MTCL2: variants seen among roughly 807,000 people sequenced by gnomAD.
MTCL2 encodes the protein microtubule cross-linking factor 2.
chr20:36,789,863 C>T, the MTCL2 span, among the ~76,000 whole-genome samples: 1 of 152,098 alleles, frequency 6.6e-6, no homozygotes, highest in African/African-American at 2.4e-5. Context: ...CACTCTGTTG[C>T]TCAGGCTGGA....
the MTCL2 span, among the ~76,000 whole-genome samples, chr20:36,832,313 C>T: frequency 6.6e-6 from 1 of 152,224 alleles, no homozygotes; most frequent in Non-Finnish European, 1.5e-5. Context: ...AGCTCCTCTC[C>T]ACCTGCGGGG....
the MTCL2 span, among the ~76,000 whole-genome samples, chr20:36,853,620 C>T: frequency 5.1e-4 from 78 of 152,116 alleles, 1 homozygote; most frequent in Non-Finnish European, 9.0e-4. Context: ...ATAAGGTCTA[C>T]GCAGCCAGTC....
At chr20:36,855,149 C>A in the MTCL2 span, among the ~76,000 whole-genome samples, 2 of 152,244 alleles carry the variant, frequency 1.3e-5, no homozygotes, top group African/African-American at 2.4e-5. Context: ...GGGTCCTTCC[C>A]AGGAGCCAGA....
chr20:36,778,127 ACAATGTGTGCTTTCTC>A, the MTCL2 span: 1 of 321,212 alleles, frequency 3.1e-6, no homozygotes, highest in Non-Finnish European at 5.7e-6. Flanking sequence ...AGGGAAACAA[ACAATGTGTGCTTTCTC>A]CAGGCCCTTC....
At chr20:36,828,423 C>A in the MTCL2 span, among the ~76,000 whole-genome samples, 1 of 152,124 alleles carries the variant, frequency 6.6e-6, no homozygotes, top group Non-Finnish European at 1.5e-5. Context: ...TCAAGCAGGG[C>A]GCATAACACA....
At chr20:36,804,722 G>A in the MTCL2 span, 11 of 1,611,026 alleles carry the variant, frequency 6.8e-6, no homozygotes, top group Non-Finnish European at 9.3e-6. Context: ...CGTCTGACAG[G>A]TGGGGGGCTC....
chr20:36,811,469 A>G, the MTCL2 span, among the ~76,000 whole-genome samples: 2 of 151,982 alleles, frequency 1.3e-5, no homozygotes, highest in East Asian at 3.9e-4. Context: ...TCTCTACTAA[A>G]AATACGAAAA....
chr20:36,779,828 G>A, the MTCL2 span: 1 of 152,180 alleles, frequency 6.6e-6, no homozygotes, highest in African/African-American at 2.4e-5. Flanking sequence ...GGAGGACTGA[G>A]GGCTGAATAC....
At chr20:36,815,996 C>T in the MTCL2 span, 1 of 1,613,710 alleles carries the variant, frequency 6.2e-7, no homozygotes, top group Non-Finnish European at 8.5e-7. The surrounding 1 kb of genome is among the most constrained non-coding windows in gnomAD (Gnocchi z 5.3). Flanking sequence ...CTCCATGATC[C>T]TTCATGTCGT....
the MTCL2 span, chr20:36,839,250 G>T: frequency 6.2e-7 from 1 of 1,606,134 alleles, no homozygotes. The surrounding 1 kb of genome is among the most constrained non-coding windows in gnomAD (Gnocchi z 5.1). Context: ...GGATAAGCTC[G>T]CCGTCCACCT....
the MTCL2 span, among the ~76,000 whole-genome samples, chr20:36,843,326 G>A: frequency 6.6e-6 from 1 of 152,148 alleles, no homozygotes; most frequent in Non-Finnish European, 1.5e-5. Context: ...TCAGAGTCAG[G>A]GTTAGGGAGC....
At chr20:36,837,879 C>A in the MTCL2 span, among the ~76,000 whole-genome samples, 7 of 152,034 alleles carry the variant, frequency 4.6e-5, no homozygotes, top group African/African-American at 2.4e-5. Flanking sequence ...GCCCAGCCCG[C>A]ATTATTTCAT....
chr20:36,815,863 G>A, the MTCL2 span: 1 of 1,604,368 alleles, frequency 6.2e-7, no homozygotes, highest in Non-Finnish European at 8.5e-7. The surrounding 1 kb of genome is among the most constrained non-coding windows in gnomAD (Gnocchi z 5.3). Flanking sequence ...GAGGAGCGCC[G>A]CAGCAGCTCG....
the MTCL2 span, chr20:36,803,196 A>T: frequency 6.8e-7 from 1 of 1,476,670 alleles, no homozygotes; most frequent in African/African-American, 1.4e-5. Context: ...GCCAGCGGGG[A>T]AAAGGGGAGA....
chr20:36,813,313 TAAAAAAAAAA>T, the MTCL2 span, among the ~76,000 whole-genome samples: 433 of 41,904 alleles, frequency 0.01, 13 homozygotes, highest in Middle Eastern at 0.08. Flanking sequence ...ACTGTTTCTT[TAAAAAAAAAA>T]AAAAAAAAAA....
the MTCL2 span, among the ~76,000 whole-genome samples, chr20:36,838,978 A>G: frequency 1.1e-3 from 165 of 152,186 alleles, 1 homozygote; most frequent in South Asian, 6.8e-3. Flanking sequence ...TCAAAGGAAA[A>G]AAAAAAAACA....
chr20:36,807,297 G>A, the MTCL2 span, among the ~76,000 whole-genome samples: 2 of 152,062 alleles, frequency 1.3e-5, no homozygotes, highest in Non-Finnish European at 2.9e-5. Flanking sequence ...GGGGCATCTG[G>A]GCTCCTCTGG....
chr20:36,853,835 A>G, the MTCL2 span, among the ~76,000 whole-genome samples: 1 of 152,082 alleles, frequency 6.6e-6, no homozygotes, highest in African/African-American at 2.4e-5. Context: ...TACCTGGCAG[A>G]GCAGGGAGAT....
At chr20:36,792,841 TAG>T in the MTCL2 span, among the ~76,000 whole-genome samples, 1 of 130,758 alleles carries the variant, frequency 7.6e-6, no homozygotes, top group Admixed American at 7.9e-5. Flanking sequence ...GATATATAGA[TAG>T]ATAGATAGAT....
Sources: allele counts gnomAD v4.1 joint callset (sites outside exome capture counted in the v4.1 genomes callset), GRCh38; gene constraint gnomAD v4.1.1; non-coding constraint Gnocchi (gnomAD v3.1); transcripts MANE v1.5; gene names NCBI Gene and HGNC (gene_info 2026-07-23, HGNC 2026-07-21).